ZDHHC5: variants seen among roughly 807,000 people sequenced by gnomAD.
ZDHHC5 encodes the protein zDHHC palmitoyltransferase 5.
In ZDHHC5, 22 loss-of-function variants were observed where a neutral mutation model predicts 70.0. The observed-to-expected ratio is 0.31, with a 90% CI of 0.22 to 0.45. The LOEUF is 0.45. Ranked by LOEUF, ZDHHC5 falls within the 20% of genes least tolerant of loss-of-function variation. The pLI is 1.00. For missense variants in ZDHHC5, 746 were observed against 926.9 expected, an observed-to-expected ratio of 0.80 and a Z score of 2.53; for synonymous variants, 313 against 347.8, an observed-to-expected ratio of 0.90 and a Z score of 1.11.
At chr11:57,683,890 G>A (rs1294007183) in intron 3 of ZDHHC5, among the ~76,000 whole-genome samples, 4 of 152,046 alleles carry the variant, frequency 2.6e-5, no homozygotes, top group Non-Finnish European at 4.4e-5. Context: ...TCAAATAGCC[G>A]ATGGTTGGCA....
intron 9 of ZDHHC5, 90 bp downstream of exon 9, chr11:57,696,133 G>A (rs1404599522): frequency 1.3e-6 from 2 of 1,506,066 alleles, no homozygotes; most frequent in Non-Finnish European, 1.8e-6. Flanking sequence ...CAAGGGCTGG[G>A]AGATATTACT....
rs2135376169 is a variant in ZDHHC5, at chr11:57,672,530, G to A, written c.-561G>A. 3.1e-6 allele frequency: 1 copy of A among 318,424 alleles called. No homozygotes were observed. The highest frequency in any genetic ancestry group is 4.9e-5 in the East Asian group (1 of 20,410). 19.7% of individuals were successfully genotyped at this position (318,424 alleles called of 1,614,324 possible). A position where few individuals can be genotyped will look rare whatever the true frequency, so the allele number is the denominator to read the frequency against. ...AAGCTCCTCTTTAAAGTTGGAAGGG[G>A]CCTCAGGTTCCTTCTTGGATTGAAA... On this transcript the variant is annotated 5_prime_UTR_variant, in exon 2 of 12. Transcript: ENST00000287169.
intron 10 of ZDHHC5, among the ~76,000 whole-genome samples, chr11:57,697,871 A>G (rs1034145111): frequency 1.3e-5 from 2 of 150,742 alleles, no homozygotes; most frequent in Non-Finnish European, 3.0e-5. Flanking sequence ...CAGTGGCTCA[A>G]GCCTGTAATC....
Position 57,672,105 on chromosome 11 carries a change from AG to A in ZDHHC5, c.-983del. 1 of 395,622 alleles carries A rather than the reference AG, an allele frequency of 2.5e-6. No homozygotes were observed. The highest frequency in any genetic ancestry group is 4.4e-5 in the Admixed American group (1 of 22,674). 24.5% of individuals were successfully genotyped at this position (395,622 alleles called of 1,614,324 possible). On this transcript the variant is annotated 5_prime_UTR_variant, in exon 2 of 12. Transcript: ENST00000287169. ...AAGAGACATTGACTAGTCTGGAAAC[AG>A]GGACATCTTTGGAACTTCGTTTTCA...
intron 6 of ZDHHC5, among the ~76,000 whole-genome samples, chr11:57,691,291 CG>C (rs1320230124): frequency 3.3e-5 from 5 of 152,066 alleles, no homozygotes; most frequent in Non-Finnish European, 5.9e-5. Flanking sequence ...AGGCTGGTCT[CG>C]AACTCCCGAC....
chr11:57,698,763 T>G lies in ZDHHC5; in HGVS notation c.1327T>G (p.Leu443Val), dbSNP rs372481022. The G allele has an allele frequency of 3.1e-6, 5 of 1,614,078 alleles. No homozygotes were observed. The African/African-American group carries it at 5.3e-5, about 17-fold the overall frequency. ...AQGTGFELGQ[L>V]QSIRSEGTTS... ...GGGCACAGGCTTTGAGCTGGGCCAG[T>G]TGCAATCCATTCGTTCAGAGGGCAC... Residue 443 changes from leucine (L) to valine (V), a missense_variant, in exon 11 of 12, where the codon TTG becomes GTG. Transcript: ENST00000287169.
At chr11:57,673,313 C>G in intron 2 of ZDHHC5, 119 bp downstream of exon 2, 1 of 840,080 alleles carries the variant, frequency 1.2e-6, no homozygotes. Flanking sequence ...GCGTCTGGTA[C>G]AGGTAAATCC....
intron 7 of ZDHHC5, 67 bp from the exon 8 acceptor site, chr11:57,693,716 A>T: frequency 6.8e-7 from 1 of 1,468,024 alleles, no homozygotes; most frequent in Non-Finnish European, 9.0e-7. Flanking sequence ...AACAGTAGAT[A>T]CTTTAAAATA....
chr11:57,689,552 A>C (rs1228288200), intron 4 of ZDHHC5, among the ~76,000 whole-genome samples: 1 of 151,350 alleles, frequency 6.6e-6, no homozygotes, highest in Non-Finnish European at 1.5e-5. Context: ...TAATTTTTGT[A>C]TTTTTAGTAG....
Position 57,679,769 on chromosome 11 carries a change from A to C in ZDHHC5, c.105-2653A>C, listed in dbSNP as rs74548779. ...CCATAGCAACGGAAAGCCTCTCCTT[A>C]AATCAAGCAGAATTTGGGATATGGC... On this transcript the variant is annotated intron_variant, in intron 2 of 11. Transcript: ENST00000287169. 3.3e-5 allele frequency among the ~76,000 whole-genome samples: 5 copies of C among 152,136 alleles called. No homozygotes were observed. The East Asian group carries it at 9.7e-4, about 29-fold the overall frequency.
chr11:57,676,729 C>T (rs1946076163), intron 2 of ZDHHC5, among the ~76,000 whole-genome samples: 1 of 151,624 alleles, frequency 6.6e-6, no homozygotes. Flanking sequence ...CCCTTGGTAT[C>T]GCCTCTTTAC....
intron 1 of ZDHHC5, among the ~76,000 whole-genome samples, chr11:57,670,531 A>G (rs991909665): frequency 1.2e-4 from 18 of 152,110 alleles, no homozygotes; most frequent in African/African-American, 4.1e-4. Context: ...TAACAAAGTT[A>G]CTGAGGCCTA....
rs1236882443 is a variant in ZDHHC5, at chr11:57,690,383, C to G, written c.606C>G (p.Gly202=). 5 of 1,614,138 alleles carry G rather than the reference C, an allele frequency of 3.1e-6. No homozygotes were observed. The highest frequency in any genetic ancestry group is 4.2e-6 in the Non-Finnish European group (5 of 1,180,038). ...VAGLFFIPVA[G]LTGFHVVLVA... ...GCTTATTCTTCATCCCTGTAGCTGGCCTCACGGGATTTCACGTGGTTCTGG... is the reference window on the plus strand; with the variant it reads ...GCTTATTCTTCATCCCTGTAGCTGGGCTCACGGGATTTCACGTGGTTCTGG... Residue 202 remains glycine, a synonymous_variant, in exon 6 of 12, where the codon GGC becomes GGG. Transcript: ENST00000287169.
intron 1 of ZDHHC5, among the ~76,000 whole-genome samples, chr11:57,671,679 A>C (rs909222636): frequency 6.6e-6 from 1 of 152,220 alleles, no homozygotes; most frequent in African/African-American, 2.4e-5. Flanking sequence ...TTGTTCTAGG[A>C]CTGCCCTTCA....
At chr11:57,686,230 C>T (rs1054638021) in intron 3 of ZDHHC5, among the ~76,000 whole-genome samples, 4 of 151,710 alleles carry the variant, frequency 2.6e-5, no homozygotes, top group African/African-American at 9.7e-5. Flanking sequence ...GAGCTGTGGT[C>T]GCAGCACAGC....
chr11:57,693,774 G>T lies in ZDHHC5; in HGVS notation c.753-9G>T. 2 of 1,547,620 alleles carry T rather than the reference G, an allele frequency of 1.3e-6. No homozygotes were observed. The highest frequency in any genetic ancestry group is 1.7e-6 in the Non-Finnish European group (2 of 1,146,990). On this transcript the variant is annotated splice_polypyrimidine_tract_variant and intron_variant, in intron 7 of 11. Coordinates refer to ENST00000287169, the MANE Select transcript of ZDHHC5 (RefSeq NM_015457.3). ...CTGTGTCTCTCTCTCTCTCTCTCTC[G>T]ACACTTAGGTATTTGGGGAGACCAA...
At chr11:57,669,521 A>C (rs879335053) in intron 1 of ZDHHC5, among the ~76,000 whole-genome samples, 12 of 152,140 alleles carry the variant, frequency 7.9e-5, no homozygotes, top group Admixed American at 7.2e-4. Flanking sequence ...AGTGGCTGCT[A>C]TCTTGGCTCA....
At chr11:57,699,772 ACAT>A (rs1205654029) in intron 11 of ZDHHC5, 91 bp from the exon 12 acceptor site, 32 of 1,491,294 alleles carry the variant, frequency 2.1e-5, no homozygotes, top group East Asian at 7.0e-5. Context: ...ATAGAAAAGA[ACAT>A]CATTTTTTTC....
At chr11:57,690,552 AT>A in intron 6 of ZDHHC5, 115 bp downstream of exon 6, 1 of 1,116,110 alleles carries the variant, frequency 9.0e-7, no homozygotes, top group Non-Finnish European at 1.3e-6. Flanking sequence ...ACTTTTCATG[AT>A]TATGTAGAGA....
Sources: gnomAD v4.1 joint callset for allele counts (sites outside exome capture counted in the v4.1 genomes callset) on GRCh38, gnomAD v4.1.1 for gene constraint, MANE v1.5 for transcripts, NCBI Gene and HGNC (gene_info 2026-07-23, HGNC 2026-07-21) for gene names.